CSMD1: variants seen among roughly 807,000 people sequenced by gnomAD.
CSMD1 encodes CUB and sushi domain-containing protein 1.
A neutral mutation model predicts 417.5 loss-of-function variants in CSMD1; 213 were observed. The observed-to-expected ratio is 0.51, with a 90% CI of 0.46 to 0.57. The LOEUF is 0.57. CSMD1 is among the 20% of genes least tolerant of loss of function. CSMD1 has a pLI of 0.00. For synonymous variants in CSMD1, 2,862 were observed against 1,736.8 expected, an observed-to-expected ratio of 1.65 and a Z score of -16.11; for missense variants, 6,923 against 4,529.7, an observed-to-expected ratio of 1.53 and a Z score of -15.17.
chr8:3,576,266 CA>C (rs1800146831), intron 9 of CSMD1, among the ~76,000 whole-genome samples: 1 of 78,666 alleles, frequency 1.3e-5, no homozygotes, highest in Non-Finnish European at 2.5e-5. Flanking sequence ...CCATGCATGT[CA>C]AAATAATAAT....
chr8:4,066,864 G>A (rs1012251485), intron 3 of CSMD1, among the ~76,000 whole-genome samples: 1 of 152,184 alleles, frequency 6.6e-6, no homozygotes, highest in African/African-American at 2.4e-5. Flanking sequence ...GATCACTGCT[G>A]ATTTAACACA....
intron 1 of CSMD1, among the ~76,000 whole-genome samples, chr8:4,666,779 C>A (rs1156915491): frequency 6.6e-6 from 1 of 152,056 alleles, no homozygotes; most frequent in Non-Finnish European, 1.5e-5. Flanking sequence ...TTTGCAAAAA[C>A]GTTCTCACAT....
chr8:2,977,243 T>C (rs1276544109), intron 55 of CSMD1, among the ~76,000 whole-genome samples: 1 of 152,168 alleles, frequency 6.6e-6, no homozygotes, highest in Non-Finnish European at 1.5e-5. Context: ...ATTAGCTATT[T>C]ATCCTGATGC....
intron 19 of CSMD1, 133 bp from the exon 20 acceptor site, chr8:3,367,380 G>A (rs1232967607): frequency 1.6e-6 from 1 of 632,548 alleles, no homozygotes; most frequent in Admixed American, 2.6e-5. Context: ...GAAAATAAGA[G>A]GGGAAGACAG....
intron 3 of CSMD1, among the ~76,000 whole-genome samples, chr8:4,117,082 C>T (rs921194630): frequency 5.3e-5 from 8 of 151,836 alleles, no homozygotes; most frequent in Non-Finnish European, 1.0e-4. Flanking sequence ...GGCCTCCTTT[C>T]TACTCCCTTT....
At chr8:3,913,999 T>G (rs1488989321) in intron 5 of CSMD1, among the ~76,000 whole-genome samples, 1 of 152,156 alleles carries the variant, frequency 6.6e-6, no homozygotes, top group Admixed American at 6.5e-5. Context: ...TTTGTAATAC[T>G]TTGTTATTCT....
At chr8:4,831,138 T>C (rs1800127003) in intron 1 of CSMD1, among the ~76,000 whole-genome samples, 1 of 152,182 alleles carries the variant, frequency 6.6e-6, no homozygotes, top group South Asian at 2.1e-4. Flanking sequence ...TAAAACTTCG[T>C]TAAATCATCC....
chr8:3,626,867 AATAC>A, intron 7 of CSMD1, among the ~76,000 whole-genome samples: 1 of 149,412 alleles, frequency 6.7e-6, no homozygotes, highest in Non-Finnish European at 1.5e-5. Context: ...TATTTACATA[AATAC>A]ATAAATATAA....
intron 1 of CSMD1, among the ~76,000 whole-genome samples, chr8:4,647,987 C>T (rs1166502465): frequency 2.6e-5 from 4 of 152,220 alleles, no homozygotes; most frequent in Non-Finnish European, 5.9e-5. Context: ...TGAGGAACTG[C>T]CACACTGTCT....
intron 50 of CSMD1, among the ~76,000 whole-genome samples, chr8:3,037,803 G>A (rs1585202422): frequency 6.6e-6 from 1 of 152,298 alleles, no homozygotes; most frequent in South Asian, 2.1e-4. Context: ...GGGCTCACCT[G>A]AGAGTGACTA....
chr8:4,444,633 GGTT>G (rs1056844234), intron 2 of CSMD1, among the ~76,000 whole-genome samples: 1 of 152,068 alleles, frequency 6.6e-6, no homozygotes, highest in Admixed American at 6.5e-5. Context: ...CTGTAAACAT[GGTT>G]ATTATCATTC....
chr8:3,604,070 G>A (rs1224705810), intron 8 of CSMD1, among the ~76,000 whole-genome samples: 1 of 152,192 alleles, frequency 6.6e-6, no homozygotes, highest in Non-Finnish European at 1.5e-5. Context: ...AAATAACTTA[G>A]TGAATAATGG....
At chr8:3,192,523 GT>G (rs1293492106) in intron 33 of CSMD1, among the ~76,000 whole-genome samples, 1 of 152,106 alleles carries the variant, frequency 6.6e-6, no homozygotes, top group East Asian at 1.9e-4. Context: ...CTACTCAATT[GT>G]TTCCCATAAA....
intron 3 of CSMD1, among the ~76,000 whole-genome samples, chr8:4,042,815 T>TTAAAAAAAAAAAAAAAAAA (rs1487345501): frequency 2.4e-5 from 1 of 41,312 alleles, no homozygotes; most frequent in Non-Finnish European, 4.3e-5. Flanking sequence ...TACAACATAT[T>TTAAAAAAAAAAAAAAAAAA]AAAAAAAAAA....
chr8:3,195,005 T>A (rs1796623687), intron 33 of CSMD1, among the ~76,000 whole-genome samples: 2 of 152,186 alleles, frequency 1.3e-5, no homozygotes, highest in African/African-American at 2.4e-5. Context: ...AGAAATATGG[T>A]TTCCTTTTCC....
chr8:4,177,129 GT>G (rs1403275042), intron 3 of CSMD1, among the ~76,000 whole-genome samples: 10 of 152,136 alleles, frequency 6.6e-5, no homozygotes, highest in South Asian at 4.2e-4. Flanking sequence ...GAATATACAT[GT>G]TTTTCAGCAC....
intron 5 of CSMD1, among the ~76,000 whole-genome samples, chr8:3,783,028 G>A (rs76694893): frequency 1.3e-5 from 2 of 152,094 alleles, no homozygotes; most frequent in African/African-American, 4.8e-5. Flanking sequence ...GCAAGCACGC[G>A]TTCATCTTCT....
chr8:3,353,601 G>C (rs17065861), intron 21 of CSMD1, among the ~76,000 whole-genome samples: 7,301 of 152,244 alleles, frequency 0.048, 210 homozygotes, highest in East Asian at 0.14. Flanking sequence ...ATTAAGTAAA[G>C]AGCAAGTGCT....
chr8:4,311,677 T>G (rs1585208476), intron 3 of CSMD1, among the ~76,000 whole-genome samples: 1 of 146,982 alleles, frequency 6.8e-6, no homozygotes, highest in African/African-American at 2.5e-5. Flanking sequence ...GAGCCGAGAT[T>G]GTGCCACAGC....
Sources: gnomAD v4.1 joint callset for allele counts (sites outside exome capture counted in the v4.1 genomes callset) on GRCh38, gnomAD v4.1.1 for gene constraint, MANE v1.5 for transcripts, NCBI Gene and HGNC (gene_info 2026-07-23, HGNC 2026-07-21) for gene names.